Variants in ERG observed in about 807,000 individuals in gnomAD.
ERG encodes ETS transcription factor ERG.
Under a neutral mutation model 55.3 loss-of-function variants are expected in ERG, and 9 were observed. The observed-to-expected ratio is 0.16, with a 90% confidence interval of 0.10 to 0.28. The LOEUF is 0.28. Ranked by LOEUF, ERG falls within the 10% of genes least tolerant of loss-of-function variation. The probability of loss-of-function intolerance (pLI) is 1.00; values close to 1 mark genes in which losing one functional copy is unlikely to be tolerated. For missense variants in ERG, 434 were observed against 631.6 expected (o/e 0.69, Z 3.35); for synonymous variants, 223 against 237.3 (o/e 0.94, Z 0.55).
intron 1 of ERG, among the ~76,000 whole-genome samples, chr21:38,447,573 A>G (rs975652696): frequency 9.3e-5 from 14 of 150,948 alleles, no homozygotes; most frequent in African/African-American, 3.2e-4. Flanking sequence ...TTTCTCTTCC[A>G]GTCACAATTG....
intron 1 of ERG, among the ~76,000 whole-genome samples, chr21:38,602,083 C>G (rs2060167633): frequency 6.6e-6 from 1 of 152,148 alleles, no homozygotes; most frequent in African/African-American, 2.4e-5. Context: ...GCATAAACTC[C>G]TGCTTCTCTA....
intron 1 of ERG, among the ~76,000 whole-genome samples, chr21:38,578,790 CT>C (rs796302983): frequency 2.0e-5 from 3 of 152,252 alleles, no homozygotes; most frequent in African/African-American, 7.2e-5. Context: ...TGAATAAGTG[CT>C]TACTGCTTGA....
At position 38,478,942 on chromosome 21, in the gene ERG, C is replaced by G. The variant is rs554376681; in HGVS notation, c.18+19421G>C. ...CTGGCTGCCTAAGTAACAAACTCCC[C>G]ACGTGTGCTTCTGACGAACTGTGTG... On this transcript the variant is annotated intron_variant, in intron 1 of 9. Transcript: ENST00000288319. 2.6e-5 allele frequency among the ~76,000 whole-genome samples: 4 copies of G among 152,204 alleles called. No homozygotes were observed. The East Asian group carries it at 7.7e-4, about 29-fold the overall frequency.
intron 3 of ERG, among the ~76,000 whole-genome samples, chr21:38,407,646 T>TA (rs34894423): frequency 2.1e-5 from 3 of 142,630 alleles, no homozygotes; most frequent in South Asian, 2.1e-4. Flanking sequence ...ATATATATAT[T>TA]TAATGTATAT....
intron 2 of ERG, among the ~76,000 whole-genome samples, chr21:38,432,170 C>T (rs1429372060): frequency 6.6e-6 from 1 of 152,192 alleles, no homozygotes; most frequent in Non-Finnish European, 1.5e-5. Context: ...TTATAGCTCA[C>T]TGCAGTCTCA....
chr21:38,402,687 GAGAGAA>G (rs755331931), intron 4 of ERG, 50 bp from the exon 5 acceptor site: 2 of 663,528 alleles, frequency 3.0e-6, no homozygotes, highest in Non-Finnish European at 4.4e-6. Flanking sequence ...AAAAGAGAGA[GAGAGAA>G]AGAGAATTAC....
upstream of ERG, among the ~76,000 whole-genome samples, chr21:38,586,909 C>T (rs867551066): frequency 6.6e-6 from 1 of 152,152 alleles, no homozygotes; most frequent in Non-Finnish European, 1.5e-5. Flanking sequence ...TCAACATAAA[C>T]GCCCATAAAG....
intron 1 of ERG, among the ~76,000 whole-genome samples, chr21:38,469,206 A>G (rs1249431278): frequency 6.6e-6 from 1 of 152,088 alleles, no homozygotes; most frequent in Non-Finnish European, 1.5e-5. Flanking sequence ...TCATCCTCAG[A>G]ACTCTGGGCA....
chr21:38,502,674 C>T (rs1291367108), upstream of ERG: 2 of 152,228 alleles, frequency 1.3e-5, no homozygotes, highest in African/African-American at 4.8e-5. Flanking sequence ...GGGCCTGTTT[C>T]ACTATATGTA....
At chr21:38,444,551 T>C (rs1348619529) in intron 2 of ERG, among the ~76,000 whole-genome samples, 2 of 152,154 alleles carry the variant, frequency 1.3e-5, no homozygotes, top group African/African-American at 4.8e-5. Flanking sequence ...TAGATCATAA[T>C]TGAAATTAAT....
At chr21:38,594,935 C>T (rs1439410786) in intron 1 of ERG, among the ~76,000 whole-genome samples, 1 of 151,670 alleles carries the variant, frequency 6.6e-6, no homozygotes, top group Non-Finnish European at 1.5e-5. Context: ...ATTTGCCAAG[C>T]AAAAAAAGAG....
chr21:38,469,457 T>C (rs2059121409), intron 1 of ERG, among the ~76,000 whole-genome samples: 1 of 152,236 alleles, frequency 6.6e-6, no homozygotes, highest in Non-Finnish European at 1.5e-5. Context: ...GGCTGGGCTC[T>C]AGTGCTTTGG....
chr21:38,459,630 T>A (rs1219293514), intron 1 of ERG, among the ~76,000 whole-genome samples: 1 of 152,222 alleles, frequency 6.6e-6, no homozygotes, highest in Non-Finnish European at 1.5e-5. Flanking sequence ...TCAGATGGGC[T>A]AGAGATACCT....
rs1189427413 is a variant in ERG at position 38,528,650 on chromosome 21, T to C, written c.-41+47012A>G. Among the ~76,000 whole-genome samples, 2 of 48,530 alleles carry C rather than the reference T, an allele frequency of 4.1e-5. 1 individual carries two copies. Among genetic ancestry groups the C allele is most frequent in the African/African-American group, 1.1e-4 (2 of 18,056 alleles). 31.8% of individuals were successfully genotyped at this position (48,530 alleles called of 152,430 possible). On this transcript the variant is annotated intron_variant, in intron 2 of 8. Transcript: ENST00000398897. ...TTTTTAGTAGAGACGGGGTTTCACC[T>C]TGTTAGCCAGGATGGTCTCGATCTC...
At position 38,443,668 on chromosome 21, in the gene ERG, T is replaced by C. The variant is rs764901985; in HGVS notation, c.236+1736A>G. On this transcript the variant is annotated intron_variant, in intron 2 of 9. Transcript: ENST00000288319. The stretch of plus-strand genomic sequence containing the variant: ...ATAGGATTTATGGGTAAAAAATATT[T>C]ACATGTAATCATTAATTTCCCACAA... 7.2e-5 allele frequency among the ~76,000 whole-genome samples: 11 copies of C among 152,018 alleles called. 1 individual carries two copies. The highest frequency in any genetic ancestry group is 1.6e-4 in the Non-Finnish European group (11 of 67,878).
At chr21:38,615,194 A>C (rs916407929) in intron 1 of ERG, among the ~76,000 whole-genome samples, 2 of 152,214 alleles carry the variant, frequency 1.3e-5, no homozygotes, top group Non-Finnish European at 2.9e-5. Context: ...CACCTTACTA[A>C]AGCAAATAAA....
At chr21:38,586,234 T>C (rs575945691), upstream of ERG, among the ~76,000 whole-genome samples, 2,084 of 106,738 alleles carry the variant, frequency 0.02, 72 homozygotes, top group African/African-American at 0.063. Context: ...TATATATATA[T>C]ACATGTTGGA....
At chr21:38,456,487 G>T (rs2058990553) in intron 1 of ERG, among the ~76,000 whole-genome samples, 2 of 152,100 alleles carry the variant, frequency 1.3e-5, no homozygotes, top group African/African-American at 4.8e-5. Flanking sequence ...AATACCAACA[G>T]AAAGTCTTGT....
In ERG at chr21:38,594,290, A is replaced by C. The variant is rs188538250; in HGVS notation, c.-149-9345T>G. Among the ~76,000 whole-genome samples, 243 of 152,270 alleles carry C rather than the reference A, an allele frequency of 1.6e-3. 1 individual carries two copies. The highest frequency in any genetic ancestry group is 4.5e-3 in the African/African-American group (188 of 41,554). ...AATAAAAATTTAAAAATCATCCTTC[A>C]TATTTAAAATAGAAATCATGAACCC... On this transcript the variant is annotated intron_variant, in intron 1 of 10. Coordinates refer to the ERG transcript ENST00000398910.
Sources: gnomAD v4.1 joint callset for allele counts (sites outside exome capture counted in the v4.1 genomes callset) on GRCh38, gnomAD v4.1.1 for gene constraint, MANE v1.5 for transcripts, NCBI Gene and HGNC (gene_info 2026-07-23, HGNC 2026-07-21) for gene names.